Variants in LASP1NB observed in about 807,000 individuals in gnomAD.
LASP1NB encodes LASP1 neighbor.
the LASP1NB span, chr17:38,927,670 A>G: frequency 6.6e-6 from 1 of 152,184 alleles, no homozygotes; most frequent in African/African-American, 2.4e-5. Flanking sequence ...TAGTAATAAC[A>G]TTGTGTCCAA....
chr17:38,926,204 T>C, the LASP1NB span, among the ~76,000 whole-genome samples: 16 of 152,234 alleles, frequency 1.1e-4, no homozygotes, highest in Non-Finnish European at 1.9e-4. Context: ...GTCAGCATAC[T>C]TGCAATATAG....
At chr17:38,927,284 G>A in the LASP1NB span, 1 of 152,236 alleles carries the variant, frequency 6.6e-6, no homozygotes, top group East Asian at 1.9e-4. Flanking sequence ...TATCATAATT[G>A]TTCTACATTT....
the LASP1NB span, chr17:38,927,193 T>G: frequency 6.6e-6 from 1 of 152,064 alleles, no homozygotes; most frequent in Non-Finnish European, 1.5e-5. Flanking sequence ...TCTGACCCAT[T>G]AGAGTTGAAG....
the LASP1NB span, chr17:38,928,048 A>T: frequency 2.6e-5 from 4 of 152,204 alleles, no homozygotes; most frequent in African/African-American, 7.2e-5. Flanking sequence ...TCTCAAAAAA[A>T]AATAATAATA....
the LASP1NB span, chr17:38,926,423 G>C: frequency 6.6e-6 from 1 of 152,040 alleles, no homozygotes; most frequent in Non-Finnish European, 1.5e-5. Flanking sequence ...ACAGCTCCTG[G>C]TCTCTCCAGT....
chr17:38,926,785 C>T, the LASP1NB span: 3 of 152,160 alleles, frequency 2.0e-5, no homozygotes, highest in Non-Finnish European at 2.9e-5. Flanking sequence ...CACAGGACTC[C>T]CTTGTGAAAC....
chr17:38,926,005 A>G, the LASP1NB span: 1 of 348,130 alleles, frequency 2.9e-6, no homozygotes, highest in Non-Finnish European at 5.1e-6. Flanking sequence ...TTTGGGACCT[A>G]ATTTAAAATA....
At chr17:38,929,319 A>G in the LASP1NB span, 1 of 152,194 alleles carries the variant, frequency 6.6e-6, no homozygotes, top group Admixed American at 6.5e-5. Flanking sequence ...AAGATTTTGT[A>G]TAAATTTTAT....
chr17:38,925,791 G>C, the LASP1NB span: 2 of 398,448 alleles, frequency 5.0e-6, no homozygotes, highest in Non-Finnish European at 8.8e-6. Flanking sequence ...GCTGCGGCCG[G>C]AGCCTGCTGG....
At chr17:38,927,874 C>G in the LASP1NB span, 3 of 152,028 alleles carry the variant, frequency 2.0e-5, no homozygotes, top group Non-Finnish European at 4.4e-5. Context: ...GAAACCCTGT[C>G]TCTACTAAAA....
chr17:38,926,480 G>C, the LASP1NB span: 1 of 152,180 alleles, frequency 6.6e-6, no homozygotes. Context: ...CTGCCCAGCA[G>C]ACCTCTTTCA....
chr17:38,928,907 C>A, the LASP1NB span: 6 of 152,178 alleles, frequency 3.9e-5, no homozygotes, highest in Non-Finnish European at 7.3e-5. Flanking sequence ...TGGTATAGAT[C>A]TTTAAAGTAT....
At chr17:38,929,137 C>T in the LASP1NB span, 3 of 152,168 alleles carry the variant, frequency 2.0e-5, no homozygotes, top group African/African-American at 4.8e-5. Context: ...TAAATCAATA[C>T]ATTTTGGAAA....
the LASP1NB span, chr17:38,929,026 C>T: frequency 6.6e-6 from 1 of 152,160 alleles, no homozygotes; most frequent in Non-Finnish European, 1.5e-5. Flanking sequence ...CAGCAGATTT[C>T]ACTCATACAC....
chr17:38,925,841 T>C, the LASP1NB span: 1 of 398,174 alleles, frequency 2.5e-6, no homozygotes, highest in Non-Finnish European at 4.4e-6. Context: ...AATGGCCGAG[T>C]GCCCTGCTTG....
At chr17:38,927,869 CCT>C in the LASP1NB span, 1 of 152,000 alleles carries the variant, frequency 6.6e-6, no homozygotes, top group African/African-American at 2.4e-5. Flanking sequence ...GTGGTGAAAC[CCT>C]GTCTCTACTA....
chr17:38,929,017 A>T, the LASP1NB span: 2 of 152,228 alleles, frequency 1.3e-5, no homozygotes, highest in Non-Finnish European at 2.9e-5. Flanking sequence ...AAAAAAAATC[A>T]GCAGATTTCA....
chr17:38,929,087 CCATCT>C, the LASP1NB span: 1 of 151,998 alleles, frequency 6.6e-6, no homozygotes, highest in Non-Finnish European at 1.5e-5. Context: ...AGAGGATTAC[CCATCT>C]CTTCAGTTAC....
At chr17:38,926,803 G>T in the LASP1NB span, 5 of 152,148 alleles carry the variant, frequency 3.3e-5, no homozygotes, top group Non-Finnish European at 7.3e-5. Context: ...AACTCAAGGG[G>T]AAGTTCAAGT....
Sources: allele counts gnomAD v4.1 joint callset (sites outside exome capture counted in the v4.1 genomes callset), GRCh38; gene constraint gnomAD v4.1.1; transcripts MANE v1.5; gene names NCBI Gene and HGNC (gene_info 2026-07-23, HGNC 2026-07-21).